The following CSMD1 variants were observed in gnomAD, a reference collection of about 807,000 sequenced individuals.
CSMD1 encodes the protein CUB and Sushi multiple domains 1.
Under a neutral mutation model 417.5 loss-of-function variants are expected in CSMD1, and 213 were observed. The observed-to-expected ratio is 0.51, with a 90% CI of 0.46 to 0.57. The LOEUF is 0.57. Ranked by LOEUF, CSMD1 falls within the 20% of genes least tolerant of loss-of-function variation. CSMD1 has a pLI of 0.00. For synonymous variants in CSMD1, 2,862 were observed against 1,736.8 expected (o/e 1.65, Z -16.11); for missense variants, 6,923 against 4,529.7 (o/e 1.53, Z -15.17).
At chr8:4,580,049 A>C (rs535232178) in intron 2 of CSMD1, among the ~76,000 whole-genome samples, 11 of 152,342 alleles carry the variant, frequency 7.2e-5, no homozygotes, top group Admixed American at 7.2e-4. Context: ...ACCAACCTAC[A>C]TGAGTGTGTT....
intron 2 of CSMD1, among the ~76,000 whole-genome samples, chr8:4,471,303 G>C (rs774182616): frequency 1.3e-5 from 2 of 152,100 alleles, no homozygotes; most frequent in Non-Finnish European, 2.9e-5. Context: ...AAACAGGTTG[G>C]TAAAAAGCTG....
intron 18 of CSMD1, among the ~76,000 whole-genome samples, chr8:3,383,174 T>A (rs1350796568): frequency 1.3e-5 from 2 of 152,194 alleles, no homozygotes; most frequent in African/African-American, 4.8e-5. Flanking sequence ...CTTTTAGGGG[T>A]GATTAACAAG....
At chr8:4,406,248 T>G in intron 3 of CSMD1, among the ~76,000 whole-genome samples, 1 of 152,178 alleles carries the variant, frequency 6.6e-6, no homozygotes, top group Admixed American at 6.5e-5. Flanking sequence ...TGCAAGTGGC[T>G]CTCCTGGTGC....
intron 5 of CSMD1, among the ~76,000 whole-genome samples, chr8:3,987,050 C>G (rs1408393081): frequency 6.6e-6 from 1 of 152,190 alleles, no homozygotes; most frequent in Non-Finnish European, 1.5e-5. Flanking sequence ...TCACCGCATC[C>G]ATCCAAAATG....
chr8:4,599,996 C>G (rs1294460784), intron 2 of CSMD1, among the ~76,000 whole-genome samples: 1 of 152,120 alleles, frequency 6.6e-6, no homozygotes, highest in Non-Finnish European at 1.5e-5. Flanking sequence ...ACTGTGATAA[C>G]TAGAAATGAA....
chr8:3,891,577 G>A (rs548071696), intron 5 of CSMD1, among the ~76,000 whole-genome samples: 14 of 152,030 alleles, frequency 9.2e-5, no homozygotes, highest in Non-Finnish European at 1.6e-4. Context: ...CAACTAGTTG[G>A]GAGGCTGAGA....
At chr8:4,496,477 T>A (rs769731496) in intron 2 of CSMD1, among the ~76,000 whole-genome samples, 4 of 152,168 alleles carry the variant, frequency 2.6e-5, no homozygotes, top group African/African-American at 9.7e-5. Context: ...GAACGTGGAA[T>A]CTCCGTTTGC....
chr8:4,178,594 G>C (rs1798185906), intron 3 of CSMD1, among the ~76,000 whole-genome samples: 1 of 151,578 alleles, frequency 6.6e-6, no homozygotes, highest in Non-Finnish European at 1.5e-5. Context: ...AATTAGGCAG[G>C]AGAAGGAAAT....
chr8:4,197,094 T>C (rs547389348), intron 3 of CSMD1, among the ~76,000 whole-genome samples: 1 of 152,328 alleles, frequency 6.6e-6, no homozygotes, highest in Non-Finnish European at 1.5e-5. Context: ...AACATCAAGA[T>C]GAAGACAATG....
rs111766084 is a variant in CSMD1, at chr8:3,679,860, A to T, written c.1009+28554T>A. ...ATCTCAGACCACAGTGCAATCAAAC[A>T]AGAACTCAGGATTAAGAAACTCACT... On this transcript the variant is annotated intron_variant, in intron 7 of 69. Transcript: ENST00000635120. 2.0e-3 allele frequency among the ~76,000 whole-genome samples: 301 copies of T among 152,292 alleles called. 3 individuals are homozygous for T. Among genetic ancestry groups the T allele is most frequent in the African/African-American group, 6.9e-3 (285 of 41,568 alleles).
At chr8:4,871,737 T>C (rs6558928) in intron 1 of CSMD1, among the ~76,000 whole-genome samples, 136,622 of 152,090 alleles carry the variant, frequency 0.9, 62,677 homozygotes, top group Non-Finnish European at 0.98. Flanking sequence ...TCAGAGTTCA[T>C]ATTATTGTAT....
At chr8:4,667,503 C>T (rs1348200982) in intron 1 of CSMD1, among the ~76,000 whole-genome samples, 4 of 151,094 alleles carry the variant, frequency 2.6e-5, no homozygotes, top group Admixed American at 6.6e-5. Flanking sequence ...ACATGATATA[C>T]CCTCCTTTTA....
At chr8:3,050,061 A>C (rs1244542913) in intron 50 of CSMD1, among the ~76,000 whole-genome samples, 1 of 151,990 alleles carries the variant, frequency 6.6e-6, no homozygotes, top group African/African-American at 2.4e-5. Context: ...TTCCTTTAAA[A>C]CATGGCATAT....
chr8:3,715,473 A>C (rs1801778631), intron 6 of CSMD1, among the ~76,000 whole-genome samples: 1 of 152,136 alleles, frequency 6.6e-6, no homozygotes, highest in African/African-American at 2.4e-5. Context: ...TGCATGATTA[A>C]CCCAATTATA....
chr8:3,584,456 T>C (rs4875743), intron 9 of CSMD1, among the ~76,000 whole-genome samples: 87,569 of 151,964 alleles, frequency 0.58, 25,756 homozygotes, highest in African/African-American at 0.64. Flanking sequence ...CGTGAGTAGC[T>C]GGGGGGTTGA....
chr8:4,130,957 A>C (rs1387720276), intron 3 of CSMD1, among the ~76,000 whole-genome samples: 1 of 152,122 alleles, frequency 6.6e-6, no homozygotes, highest in Non-Finnish European at 1.5e-5. Flanking sequence ...AATCTATAAA[A>C]TAGAAAACAT....
intron 1 of CSMD1, among the ~76,000 whole-genome samples, chr8:4,687,362 T>C (rs1204412709): frequency 6.6e-6 from 1 of 152,162 alleles, no homozygotes; most frequent in Non-Finnish European, 1.5e-5. Context: ...TAAAGTACAT[T>C]AAGTAACGTG....
chr8:4,024,005 T>A (rs1796932635), intron 4 of CSMD1, among the ~76,000 whole-genome samples: 1 of 151,992 alleles, frequency 6.6e-6, no homozygotes, highest in African/African-American at 2.4e-5. Flanking sequence ...GCTGACATAT[T>A]TGACACTGCA....
chr8:4,280,537 C>T (rs1796724530), intron 3 of CSMD1, among the ~76,000 whole-genome samples: 2 of 152,178 alleles, frequency 1.3e-5, no homozygotes, highest in Admixed American at 1.3e-4. Flanking sequence ...ACAGTGCCCA[C>T]ATTTGCATAT....
Sources: gnomAD v4.1 joint callset for allele counts (sites outside exome capture counted in the v4.1 genomes callset) on GRCh38, gnomAD v4.1.1 for gene constraint, MANE v1.5 for transcripts, NCBI Gene and HGNC (gene_info 2026-07-23, HGNC 2026-07-21) for gene names.